The following KCNH3 variants were observed in gnomAD, a reference collection of about 807,000 sequenced individuals.
The protein encoded by KCNH3 is potassium voltage-gated channel subfamily H member 3, also known as voltage-gated inwardly rectifying potassium channel KCNH3.
A neutral mutation model predicts 95.6 loss-of-function variants in KCNH3; 36 were observed. The observed-to-expected ratio is 0.38, with a 90% CI of 0.29 to 0.50. The LOEUF (loss-of-function observed/expected upper bound fraction) is 0.50, where lower values mean the gene tolerates loss of function less well. Among genes scored for constraint, KCNH3 ranks in the 20% least tolerant of loss-of-function variants. KCNH3 has a pLI of 0.95. For synonymous variants in KCNH3, 620 were observed against 646.3 expected (o/e 0.96, Z 0.62); for missense variants, 1,030 against 1,484.1 (o/e 0.69, Z 5.03).
intron 7 of KCNH3, among the ~76,000 whole-genome samples, chr12:49,545,426 G>A (rs1183543313): frequency 8.3e-6 from 1 of 120,212 alleles, no homozygotes; most frequent in East Asian, 2.5e-4. Context: ...TTTTTTTTGA[G>A]CTGTCACTCA....
At chr12:49,547,557 T>C (rs1274330213) in intron 7 of KCNH3, among the ~76,000 whole-genome samples, 1 of 152,242 alleles carries the variant, frequency 6.6e-6, no homozygotes, top group East Asian at 1.9e-4. Flanking sequence ...TGAGATGTAG[T>C]TCTGGCCCTA....
intron 7 of KCNH3, among the ~76,000 whole-genome samples, chr12:49,547,697 A>G (rs1938107023): frequency 6.6e-6 from 1 of 152,136 alleles, no homozygotes; most frequent in Admixed American, 6.5e-5. Context: ...CACAGGACCC[A>G]TATGCCTGAA....
intron 12 of KCNH3, 172 bp from the exon 13 acceptor site, chr12:49,556,198 G>C: frequency 1.6e-6 from 1 of 623,758 alleles, no homozygotes; most frequent in Non-Finnish European, 2.9e-6. Context: ...TGGCCCCCCA[G>C]CTAAACTGTA....
Position 49,557,904 on chromosome 12 carries a change from A to G in KCNH3, c.3203A>G (p.His1068Arg), listed in dbSNP as rs1056094376. The G allele has an allele frequency of 6.5e-7, 1 of 1,537,436 alleles. No individual in the cohort carries two copies. The highest frequency in any genetic ancestry group is 8.8e-7 in the Non-Finnish European group (1 of 1,142,744). Residue 1068 changes from histidine to arginine, a missense_variant, in exon 15 of 15, where the codon CAT becomes CGT. Around this residue, in one of 9 missense-constraint regions of KCNH3, gnomAD observed 464 missense variants for 493.2 expected, o/e 0.94. Transcript: ENST00000257981. ...HSLEMVLIGC[H>R]GSGTVQWTQE... is the part of the protein sequence containing the mutation. ...CTGGAGATGGTGCTTATTGGCTGCC[A>G]TGGCTCTGGCACAGTCCAGTGGACC...
chr12:49,547,434 AACCCTACT>A (rs1425013632), intron 7 of KCNH3, among the ~76,000 whole-genome samples: 1 of 152,198 alleles, frequency 6.6e-6, no homozygotes, highest in African/African-American at 2.4e-5. Flanking sequence ...TTTGTATCAA[AACCCTACT>A]ACCCTTTGAA....
intron 7 of KCNH3, among the ~76,000 whole-genome samples, chr12:49,544,726 T>TC (rs1177556940): frequency 7.4e-6 from 1 of 134,798 alleles, no homozygotes; most frequent in Non-Finnish European, 1.6e-5. Flanking sequence ...TCCCCACCCC[T>TC]CCCCCCGCAT....
In KCNH3 at chr12:49,548,877, C is replaced by T; in HGVS notation, c.1190-18C>T. 6.5e-7 allele frequency: 1 copy of T among 1,547,208 alleles called. No individual in the cohort carries two copies. The highest frequency in any genetic ancestry group is 8.7e-7 in the Non-Finnish European group (1 of 1,146,442). ...CACAGTCTTCCTGCCTGCTCAGGCC[C>T]TGCTGTTCCCCCCTCAGGCTGGCTG... On this transcript the variant is annotated intron_variant, in intron 7 of 14. Transcript: ENST00000257981.
At position 49,540,995 on chromosome 12, in the gene KCNH3, C is replaced by G; in HGVS notation, c.173C>G (p.Ala58Gly). ...GFCDLTGFSR[A>G]EVMQRGCACS... ...TGTGACCTCACGGGCTTCTCCCGGG[C>G]TGAGGTCATGCAGCGGGGCTGTGCC... Residue 58 changes from alanine (A) to glycine (G), a missense_variant, in exon 2 of 15, where the codon GCT (alanine) becomes GGT (glycine). Coordinates refer to ENST00000257981, the MANE Select transcript of KCNH3 (RefSeq NM_012284.3). 6.2e-7 allele frequency: 1 copy of G among 1,614,170 alleles called. No homozygotes were observed. Among genetic ancestry groups the G allele is most frequent in the Admixed American group, 1.7e-5 (1 of 60,034 alleles).
chr12:49,542,141 GTTC>G (rs1555196073), intron 3 of KCNH3, among the ~76,000 whole-genome samples: 2 of 152,216 alleles, frequency 1.3e-5, no homozygotes, highest in Non-Finnish European at 2.9e-5. Context: ...CTGCTTTTAA[GTTC>G]TTCGAGTCTT....
rs1938519618 is a variant in KCNH3, at chr12:49,557,600, G to A, written c.2899G>A (p.Gly967Arg). Residue 967 changes from glycine (G) to arginine (R), a missense_variant, in exon 15 of 15, where the codon GGG becomes AGG. By Grantham distance (125) the Gly-to-Arg change is moderately radical. Coordinates refer to ENST00000257981, the MANE Select transcript of KCNH3 (RefSeq NM_012284.3). ...LSGTWPHPRP[G>R]PPPLMAPWPW... ...TGGGACTTGGCCCCACCCTCGTCCG[G>A]GGCCTCCTCCCCTCATGGCACCCTG... is the stretch of plus-strand genomic sequence containing the variant. 1 of 1,613,288 alleles carries A rather than the reference G, an allele frequency of 6.2e-7. No individual in the cohort carries two copies. Among genetic ancestry groups the A allele is most frequent in the Non-Finnish European group, 8.5e-7 (1 of 1,179,942 alleles).
chr12:49,541,969 T>C (rs1937886421), intron 3 of KCNH3, among the ~76,000 whole-genome samples: 1 of 152,202 alleles, frequency 6.6e-6, no homozygotes, highest in Non-Finnish European at 1.5e-5. Context: ...TGAGACAAAG[T>C]TGGAGTTTTT....
chr12:49,539,074 C>G lies in KCNH3; in HGVS notation c.-343C>G, dbSNP rs1937774943. The G allele has an allele frequency of 6.6e-6, 1 of 152,152 alleles. No individual in the cohort carries two copies. Among genetic ancestry groups the G allele is most frequent in the Admixed American group, 6.5e-5 (1 of 15,282 alleles). The allele number at this position is 152,152 out of a possible 1,614,324, so 9.4% of individuals were successfully genotyped here. ...ACAGACGGAGGGAGCTGCCGAGAGCCGGCGCCGAGCGAAGCCGAGCGGAAG... is the reference window on the plus strand; with the variant it reads ...ACAGACGGAGGGAGCTGCCGAGAGCGGGCGCCGAGCGAAGCCGAGCGGAAG... On this transcript the variant is annotated 5_prime_UTR_variant, in exon 1 of 15. Coordinates refer to ENST00000257981, the MANE Select transcript of KCNH3 (RefSeq NM_012284.3). This position sits in a 1 kb window ranked among gnomAD's most constrained non-coding sequence, Gnocchi z 6.7.
chr12:49,555,267 C>T (rs1028746987), intron 11 of KCNH3, among the ~76,000 whole-genome samples: 8 of 146,650 alleles, frequency 5.5e-5, no homozygotes, highest in Admixed American at 3.4e-4. Flanking sequence ...GGTGAAACGC[C>T]GTCTCTACTA....
At chr12:49,554,010 T>C (rs1222759483) in intron 10 of KCNH3, among the ~76,000 whole-genome samples, 1 of 152,206 alleles carries the variant, frequency 6.6e-6, no homozygotes, top group Non-Finnish European at 1.5e-5. Context: ...CTAATCAACA[T>C]AGCCAGCTGT....
chr12:49,548,095 C>CGCGT (rs1938122744), intron 7 of KCNH3, among the ~76,000 whole-genome samples: 3 of 146,616 alleles, frequency 2.0e-5, no homozygotes, highest in Admixed American at 6.8e-5. Flanking sequence ...CCTGTGACTA[C>CGCGT]GTGTGTGTGT....
At chr12:49,556,091 AG>A (rs1938432107) in intron 12 of KCNH3, 140 bp downstream of exon 12, 1 of 599,844 alleles carries the variant, frequency 1.7e-6, no homozygotes, top group African/African-American at 1.9e-5. Flanking sequence ...TCCTCCAGGA[AG>A]CCTTCTGTGC....
intron 9 of KCNH3, 139 bp downstream of exon 9, chr12:49,549,779 A>G (rs1938197272): frequency 2.3e-6 from 2 of 876,514 alleles, no homozygotes; most frequent in East Asian, 5.3e-5. Context: ...GGACAGCGGC[A>G]TGGGACAGAG....
At position 49,550,055 on chromosome 12, in the gene KCNH3, C is replaced by A. The variant is rs139703512; in HGVS notation, c.1669-25C>A. On this transcript the variant is annotated intron_variant, in intron 9 of 14. Coordinates refer to ENST00000257981, the MANE Select transcript of KCNH3 (RefSeq NM_012284.3). Reference sequence around the variant, plus strand: ...CCTCTTCTGCCACTCCCAACCCCCCCACCCCCGCACCTGCTCACCTGCAGC... The same window carrying A: ...CCTCTTCTGCCACTCCCAACCCCCCAACCCCCGCACCTGCTCACCTGCAGC... The A allele has an allele frequency of 7.7e-5, 117 of 1,528,264 alleles. 1 individual carries two copies. The Middle Eastern group carries it at 9.6e-4, about 13-fold the overall frequency. The allele number at this position is 1,528,264 out of a possible 1,614,324, so 94.7% of individuals were successfully genotyped here. A position where few individuals can be genotyped will look rare whatever the true frequency, so the allele number is the denominator to read the frequency against.
chr12:49,543,580 T>C (rs2138141495), intron 5 of KCNH3, 62 bp downstream of exon 5: 1 of 1,561,582 alleles, frequency 6.4e-7, no homozygotes, highest in Non-Finnish European at 8.7e-7. Flanking sequence ...TTGCTGGGGA[T>C]AGTCCACGTG....
Sources: allele counts gnomAD v4.1 joint callset (sites outside exome capture counted in the v4.1 genomes callset), GRCh38; gene constraint gnomAD v4.1.1; regional missense constraint gnomAD v4.1.1; non-coding constraint Gnocchi (gnomAD v3.1); transcripts MANE v1.5; gene names NCBI Gene and HGNC (gene_info 2026-07-23, HGNC 2026-07-21).